Variants in FDFT1 observed in about 807,000 individuals in gnomAD.
FDFT1 encodes the protein squalene synthase.
A neutral mutation model predicts 46.8 loss-of-function variants in FDFT1; 68 were observed. That is an observed-to-expected ratio of 1.45 (90% confidence interval 1.19 to 1.78). FDFT1 has a LOEUF of 1.78. FDFT1 is among the 40% of genes most tolerant of loss of function. The probability of loss-of-function intolerance (pLI) is 0.00; values close to 1 mark genes in which losing one functional copy is unlikely to be tolerated. For synonymous variants in FDFT1, 351 were observed against 185.1 expected, an observed-to-expected ratio of 1.90 and a Z score of -7.28; for missense variants, 928 against 524.4, an observed-to-expected ratio of 1.77 and a Z score of -7.52.
upstream of FDFT1, among the ~76,000 whole-genome samples, chr8:11,799,398 C>T (rs1039409882): frequency 2.0e-5 from 3 of 152,226 alleles, no homozygotes; most frequent in Admixed American, 6.5e-5. Flanking sequence ...AAAAGAAGAG[C>T]CCTGTGGCAG....
chr8:11,804,017 A>C (rs1272114831), intron 1 of FDFT1, among the ~76,000 whole-genome samples: 1 of 152,224 alleles, frequency 6.6e-6, no homozygotes, highest in Non-Finnish European at 1.5e-5. Flanking sequence ...TTTTATATTT[A>C]GATATAGCAT....
intron 4 of FDFT1, among the ~76,000 whole-genome samples, chr8:11,825,164 G>C (rs1809790276): frequency 6.6e-6 from 1 of 152,188 alleles, no homozygotes; most frequent in African/African-American, 2.4e-5. Flanking sequence ...TTAAACCATA[G>C]TTGGTATTGT....
At chr8:11,813,340 T>C (rs1181854240) in intron 3 of FDFT1, among the ~76,000 whole-genome samples, 1 of 152,236 alleles carries the variant, frequency 6.6e-6, no homozygotes, top group Non-Finnish European at 1.5e-5. Context: ...AATAATAGTG[T>C]TCACTTATTG....
chr8:11,811,480 G>A (rs768380220), intron 3 of FDFT1, among the ~76,000 whole-genome samples: 2 of 152,228 alleles, frequency 1.3e-5, no homozygotes, highest in Non-Finnish European at 2.9e-5. Context: ...CTCAGCAGAA[G>A]TGAGGGAATA....
chr8:11,829,506 T>C (rs1170498015), intron 5 of FDFT1, among the ~76,000 whole-genome samples: 2 of 152,240 alleles, frequency 1.3e-5, no homozygotes, highest in Non-Finnish European at 2.9e-5. Context: ...AGGAATATAA[T>C]GTTAGTCATT....
chr8:11,821,452 G>A (rs142750459), intron 3 of FDFT1, among the ~76,000 whole-genome samples: 11 of 152,268 alleles, frequency 7.2e-5, no homozygotes, highest in African/African-American at 1.4e-4. Context: ...TTAGCTGGGC[G>A]TGGTGGTGCA....
chr8:11,808,972 A>AGC, intron 2 of FDFT1, 81 bp downstream of exon 2: 1 of 1,549,124 alleles, frequency 6.5e-7, no homozygotes, highest in Non-Finnish European at 8.7e-7. Flanking sequence ...ACCTTTTGAT[A>AGC]TAGCGCTCAG....
chr8:11,814,993 T>C (rs984980078), intron 3 of FDFT1, among the ~76,000 whole-genome samples: 2 of 152,174 alleles, frequency 1.3e-5, no homozygotes, highest in African/African-American at 4.8e-5. Flanking sequence ...ACATTAGGTA[T>C]TTCTCGTAAT....
chr8:11,818,859 G>T (rs940457861), intron 3 of FDFT1, among the ~76,000 whole-genome samples: 1 of 152,086 alleles, frequency 6.6e-6, no homozygotes. Flanking sequence ...TTATATTTAA[G>T]GTTAATATTG....
chr8:11,802,301 C>T (rs1183971936), upstream of FDFT1: 6 of 390,594 alleles, frequency 1.5e-5, no homozygotes, highest in Admixed American at 6.0e-5. Context: ...CTGGCAGGAG[C>T]CACCGAGGCC....
intron 1 of FDFT1, among the ~76,000 whole-genome samples, chr8:11,805,614 TTTAACC>T (rs1198874593): frequency 2.0e-5 from 3 of 152,250 alleles, no homozygotes; most frequent in Admixed American, 6.5e-5. Flanking sequence ...GTAACGATTT[TTTAACC>T]ACAACTTCCC....
intron 3 of FDFT1, among the ~76,000 whole-genome samples, chr8:11,810,999 C>G (rs572917295): frequency 2.0e-5 from 3 of 147,058 alleles, no homozygotes; most frequent in African/African-American, 7.5e-5. Flanking sequence ...AAGGCTGTTT[C>G]AGATTGCTGA....
intron 3 of FDFT1, among the ~76,000 whole-genome samples, chr8:11,817,813 G>T (rs1808669205): frequency 1.4e-5 from 2 of 139,570 alleles, no homozygotes; most frequent in Non-Finnish European, 3.0e-5. Flanking sequence ...CCAGCTCCTG[G>T]ATTCATTAAT....
At chr8:11,801,709 T>G (rs1403868091), upstream of FDFT1, 1 of 285,740 alleles carries the variant, frequency 3.5e-6, no homozygotes, top group Admixed American at 4.9e-5. Flanking sequence ...TTTTTTTTTT[T>G]TGGAGACGTA....
intron 6 of FDFT1, 108 bp from the exon 7 acceptor site, chr8:11,831,410 T>C (rs987645725): frequency 1.1e-6 from 1 of 898,050 alleles, no homozygotes; most frequent in South Asian, 1.6e-5. Context: ...CTTAGTTGAT[T>C]AGCAGTTAGC....
chr8:11,811,211 G>C (rs1330416193), intron 3 of FDFT1, among the ~76,000 whole-genome samples: 6 of 152,192 alleles, frequency 3.9e-5, no homozygotes, highest in African/African-American at 1.4e-4. Flanking sequence ...GATGACCAGA[G>C]GATGGGTTTC....
chr8:11,809,593 G>C, intron 2 of FDFT1, 74 bp from the exon 3 acceptor site: 5 of 1,447,990 alleles, frequency 3.5e-6, no homozygotes, highest in Non-Finnish European at 4.6e-6. Context: ...AAAGTGGCCA[G>C]GCACAAGTTA....
In FDFT1 at chr8:11,837,622, C is replaced by T. The variant is rs575951351; in HGVS notation, c.1033-766C>T. ...TAGGTCTGGACCATGGGTGGCCTTG[C>T]GCTACACATTACAGAGCTCAGGCTT... On this transcript the variant is annotated intron_variant, in intron 7 of 7. Transcript: ENST00000220584. Among the ~76,000 whole-genome samples the T allele has an allele frequency of 3.0e-4, 45 of 152,174 alleles. No individual in the cohort carries two copies. In the South Asian group the frequency reaches 7.0e-3, roughly 24 times the overall value.
chr8:11,796,186 C>A (rs762429292), intron 1 of FDFT1, among the ~76,000 whole-genome samples: 5 of 152,188 alleles, frequency 3.3e-5, no homozygotes, highest in African/African-American at 1.2e-4. Context: ...AAAGCCAAAT[C>A]CTACTGTAAT....
Sources: allele counts gnomAD v4.1 joint callset (sites outside exome capture counted in the v4.1 genomes callset), GRCh38; gene constraint gnomAD v4.1.1; transcripts MANE v1.5; gene names NCBI Gene and HGNC (gene_info 2026-07-23, HGNC 2026-07-21).